Variants in ARFGAP1 observed in about 807,000 individuals in gnomAD.
ARFGAP1 encodes ADP-ribosylation factor GTPase-activating protein 1.
Under a neutral mutation model 54.0 loss-of-function variants are expected in ARFGAP1, and 26 were observed. That is an observed-to-expected ratio of 0.48 (90% CI 0.35 to 0.67). ARFGAP1 has a LOEUF of 0.67. ARFGAP1 is among the 30% of genes least tolerant of loss of function. The pLI is 0.00. For synonymous variants in ARFGAP1, 248 were observed against 211.9 expected, an observed-to-expected ratio of 1.17 and a Z score of -1.48; for missense variants, 525 against 535.8, an observed-to-expected ratio of 0.98 and a Z score of 0.20.
intron 1 of ARFGAP1, chr20:63,273,204 A>C (rs1601325206): frequency 2.5e-5 from 1 of 40,210 alleles, no homozygotes; most frequent in Non-Finnish European, 4.9e-5. Flanking sequence ...GCTGCCCTCC[A>C]CCCGCACCCC....
At chr20:63,283,440 T>C in intron 9 of ARFGAP1, 1 of 215,468 alleles carries the variant, frequency 4.6e-6, no homozygotes. Context: ...AGGCTCACCA[T>C]GAAAGCTCAG....
intron 12 of ARFGAP1, chr20:63,286,816 G>A: frequency 4.0e-6 from 1 of 247,232 alleles, no homozygotes; most frequent in African/African-American, 2.2e-5. Context: ...GCGCTGCTCT[G>A]CTGTTCCTCT....
Position 63,276,048 on chromosome 20 carries a change from C to T in ARFGAP1, c.61-43C>T, listed in dbSNP as rs1428717967. 3 of 1,586,722 alleles carry T rather than the reference C, an allele frequency of 1.9e-6. No individual in the cohort carries two copies. The highest frequency in any genetic ancestry group is 2.6e-6 in the Non-Finnish European group (3 of 1,156,274). Reference sequence around the variant, plus strand: ...GTCGGGTCTTTGGGGTCCCTGGGCTCTGCCCTGAGCCACCTGGTGAGTCAC... The same window carrying T: ...GTCGGGTCTTTGGGGTCCCTGGGCTTTGCCCTGAGCCACCTGGTGAGTCAC... On this transcript the variant is annotated intron_variant, in intron 2 of 12. Transcript: ENST00000370283. This position sits in a 1 kb window ranked among gnomAD's most constrained non-coding sequence, Gnocchi z 5.2.
chr20:63,284,040 T>C, intron 9 of ARFGAP1: 1 of 1,449,116 alleles, frequency 6.9e-7, no homozygotes, highest in Non-Finnish European at 9.1e-7. Flanking sequence ...TCCTTTAAGA[T>C]CCAGGATCTG....
chr20:63,288,564 G>T lies in ARFGAP1; in HGVS notation c.*691G>T. On this transcript the variant is annotated 3_prime_UTR_variant, in exon 13 of 13. Transcript: ENST00000370283. Reference sequence around the variant, plus strand: ...CACACCTGAGCTGTTCTCAGTGCTGGAACTTGACCATCCTGGAACACCCTG... The same window carrying T: ...CACACCTGAGCTGTTCTCAGTGCTGTAACTTGACCATCCTGGAACACCCTG... The T allele has an allele frequency of 2.2e-6, 1 of 451,760 alleles. No individual in the cohort carries two copies. The highest frequency in any genetic ancestry group is 1.6e-5 in the South Asian group (1 of 64,490). 28.0% of individuals were successfully genotyped at this position (451,760 alleles called of 1,614,324 possible).
rs749591167 is a variant in ARFGAP1, at chr20:63,286,450, G to C, written c.911+8G>C. On this transcript the variant is annotated splice_region_variant and intron_variant, in intron 12 of 12. Transcript: ENST00000370283. Reference sequence around the variant, plus strand: ...AGAGGGCCCCTTGGACAGGTATGCTGTGTCCCCTCCTGGGCCTTGCATCCC... The same window carrying C: ...AGAGGGCCCCTTGGACAGGTATGCTCTGTCCCCTCCTGGGCCTTGCATCCC... 3 of 1,612,552 alleles carry C rather than the reference G, an allele frequency of 1.9e-6. No homozygotes were observed. Among genetic ancestry groups the C allele is most frequent in the African/African-American group, 2.7e-5 (2 of 74,898 alleles).
At chr20:63,287,489 C>T (rs2067589236) in intron 12 of ARFGAP1, 75 bp from the exon 13 acceptor site, 6 of 1,413,770 alleles carry the variant, frequency 4.2e-6, no homozygotes, top group Non-Finnish European at 5.7e-6. Flanking sequence ...AGGTGCAGAG[C>T]TCTCGGGGGC....
intron 11 of ARFGAP1, 82 bp from the exon 12 acceptor site, chr20:63,286,284 T>C (rs911066): frequency 0.068 from 109,151 of 1,594,312 alleles, 4,152 homozygotes; most frequent in Middle Eastern, 0.084. Context: ...GGACGGCGCG[T>C]GCCGGCTTGC....
In ARFGAP1 at chr20:63,288,383, C is replaced by A. The variant is rs1330046030; in HGVS notation, c.*510C>A. The A allele has an allele frequency of 4.4e-6, 2 of 456,274 alleles. No homozygotes were observed. Among genetic ancestry groups the A allele is most frequent in the African/African-American group, 4.0e-5 (2 of 50,080 alleles). The allele number at this position is 456,274 out of a possible 1,614,324, so 28.3% of individuals were successfully genotyped here. On this transcript the variant is annotated 3_prime_UTR_variant, in exon 13 of 13. Coordinates refer to ENST00000370283, the MANE Select transcript of ARFGAP1 (RefSeq NM_018209.4). ...GGAAATGATACTGGCGCTCACGCTG[C>A]CATCCGACCACCCTCGGCTCCCGAG... is the stretch of plus-strand genomic sequence containing the variant.
Position 63,287,696 on chromosome 20 carries a change from C to T in ARFGAP1, c.1044C>T (p.Ser348=). 1 of 1,612,348 alleles carries T rather than the reference C, an allele frequency of 6.2e-7. No homozygotes were observed. Reference sequence around the variant, plus strand: ...CCCGCAAGTCCCCGAGCAGCGACAGCTGGACGTGCGCGGACACCTCCACCG... The same window carrying T: ...CCCGCAAGTCCCCGAGCAGCGACAGTTGGACGTGCGCGGACACCTCCACCG... The part of the protein sequence containing the change: ...TKTRKSPSSD[S]WTCADTSTER... Residue 348 remains serine (S), a synonymous_variant, in exon 13 of 13, where the codon AGC becomes AGT. Transcript: ENST00000370283.
intron 10 of ARFGAP1, 31 bp downstream of exon 10, chr20:63,284,953 G>T: frequency 6.2e-7 from 1 of 1,612,116 alleles, no homozygotes; most frequent in South Asian, 1.1e-5. Flanking sequence ...GTTGTGCCTG[G>T]AGCCCTTCAC....
intron 9 of ARFGAP1, chr20:63,283,386 T>C (rs1221842477): frequency 5.1e-6 from 1 of 197,226 alleles, no homozygotes. Flanking sequence ...GTGATCTGGC[T>C]GTCCTCGGGT....
At chr20:63,275,954 A>C in intron 2 of ARFGAP1, 137 bp from the exon 3 acceptor site, 1 of 740,864 alleles carries the variant, frequency 1.3e-6, no homozygotes, top group East Asian at 2.5e-5. Context: ...CTTTCCCCTC[A>C]CGCCTTGCCC....
Position 63,285,634 on chromosome 20 carries a change from C to G in ARFGAP1, c.775-20C>G. ...TCATCTCTCCCGCCCCCATTAATGC[C>G]GCTGTCTTCATCCGTGCAGGTGAAG... On this transcript the variant is annotated intron_variant, in intron 10 of 12. Transcript: ENST00000370283. 6.2e-7 allele frequency: 1 copy of G among 1,612,802 alleles called. No individual in the cohort carries two copies. Among genetic ancestry groups the G allele is most frequent in the Non-Finnish European group, 8.5e-7 (1 of 1,179,342 alleles).
In ARFGAP1 at chr20:63,287,786, C is replaced by T. The variant is rs758101608; in HGVS notation, c.1134C>T (p.Ser378=). 3.0e-5 allele frequency: 48 copies of T among 1,605,482 alleles called. No individual in the cohort carries two copies. The highest frequency in any genetic ancestry group is 6.7e-5 in the East Asian group (3 of 44,610). The part of the protein sequence containing the change: ...GSASTNRNSN[S]DGGEGGEGTK... ...CCTCCACCAACAGGAACAGCAACAG[C>T]GACGGCGGGGAGGGCGGGGAGGGCA... Residue 378 remains serine, a synonymous_variant, in exon 13 of 13, where the codon AGC becomes AGT. Transcript: ENST00000370283.
Position 63,287,795 on chromosome 20 carries a change from G to A in ARFGAP1, c.1143G>A (p.Gly381=). The change falls in exon 13 of 13, where the codon GGG becomes GGA. Residue 381 remains glycine (G), a synonymous_variant. Coordinates refer to ENST00000370283, the MANE Select transcript of ARFGAP1 (RefSeq NM_018209.4). ...ACAGGAACAGCAACAGCGACGGCGG[G>A]GAGGGCGGGGAGGGCACCAAGAAGG... is the stretch of plus-strand genomic sequence containing the variant. ...STNRNSNSDG[G]EGGEGTKKAV... is the part of the protein sequence containing the mutation. 1 of 1,596,964 alleles carries A rather than the reference G, an allele frequency of 6.3e-7. No homozygotes were observed. The highest frequency in any genetic ancestry group is 8.5e-7 in the Non-Finnish European group (1 of 1,172,696).
chr20:63,282,074 C>G (rs1199396801), intron 8 of ARFGAP1, among the ~76,000 whole-genome samples: 1 of 151,924 alleles, frequency 6.6e-6, no homozygotes, highest in Non-Finnish European at 1.5e-5. Context: ...CCCCTGTGGT[C>G]ACTCTGGCCC....
intron 10 of ARFGAP1, 97 bp from the exon 11 acceptor site, chr20:63,285,557 A>G (rs2067510308): frequency 7.6e-7 from 1 of 1,313,468 alleles, no homozygotes. Flanking sequence ...TGCCCCTGAT[A>G]TTTCGGATGC....
intron 8 of ARFGAP1, 87 bp from the exon 9 acceptor site, chr20:63,282,732 C>T (rs2067417058): frequency 6.9e-7 from 1 of 1,442,058 alleles, no homozygotes; most frequent in Admixed American, 1.7e-5. Flanking sequence ...GAGAGACAGT[C>T]CTGGACCTGA....
Sources: allele counts gnomAD v4.1 joint callset (sites outside exome capture counted in the v4.1 genomes callset), GRCh38; gene constraint gnomAD v4.1.1; non-coding constraint Gnocchi (gnomAD v3.1); transcripts MANE v1.5; gene names NCBI Gene and HGNC (gene_info 2026-07-23, HGNC 2026-07-21).